MORN1: variants seen among roughly 807,000 people sequenced by gnomAD.
The protein encoded by MORN1 is MORN repeat containing 1.
Under a neutral mutation model 61.9 loss-of-function variants are expected in MORN1, and 67 were observed. That is an observed-to-expected ratio of 1.08 (90% CI 0.89 to 1.33). The LOEUF is 1.33. Ranked by LOEUF, MORN1 falls within the 40% of genes most tolerant of loss-of-function variation. MORN1 has a pLI of 0.00. For synonymous variants in MORN1, 301 were observed against 292.0 expected (o/e 1.03, Z -0.31); for missense variants, 752 against 691.2 (o/e 1.09, Z -0.99).
intron 7 of MORN1, among the ~76,000 whole-genome samples, chr1:2,373,278 A>G (rs1418098987): frequency 6.6e-6 from 1 of 152,202 alleles, no homozygotes; most frequent in Non-Finnish European, 1.5e-5. Flanking sequence ...CCGGGTGCAC[A>G]GGGTGGCGGG....
intron 12 of MORN1, among the ~76,000 whole-genome samples, chr1:2,333,965 A>G (rs760880048): frequency 6.6e-6 from 1 of 152,112 alleles, no homozygotes; most frequent in Non-Finnish European, 1.5e-5. Flanking sequence ...CCAGGTCTGG[A>G]CGCTGGTTGG....
intron 8 of MORN1, among the ~76,000 whole-genome samples, chr1:2,365,645 A>G (rs1311183274): frequency 2.0e-5 from 3 of 151,678 alleles, no homozygotes; most frequent in Non-Finnish European, 4.4e-5. Flanking sequence ...CAGTTTTCAA[A>G]GGGAATGCTT....
chr1:2,332,361 C>T, intron 12 of MORN1: 3 of 344,414 alleles, frequency 8.7e-6, no homozygotes, highest in South Asian at 6.7e-5. Context: ...AGCCCGGCCA[C>T]CCTGACTGTT....
chr1:2,381,552 C>T (rs1642372025), intron 6 of MORN1, among the ~76,000 whole-genome samples: 2 of 152,178 alleles, frequency 1.3e-5, no homozygotes, highest in South Asian at 4.1e-4. Context: ...CCAGGGCCTG[C>T]CCAGGTCTCC....
chr1:2,352,019 A>G, intron 10 of MORN1: 1 of 539,880 alleles, frequency 1.9e-6, no homozygotes, highest in East Asian at 4.5e-5. Flanking sequence ...CAGGAATTAG[A>G]GGTCCACCTC....
chr1:2,389,976 G>T lies in MORN1; in HGVS notation c.97C>A (p.Pro33Thr). 1 of 1,613,984 alleles carries T rather than the reference G, an allele frequency of 6.2e-7. No individual in the cohort carries two copies. The highest frequency in any genetic ancestry group is 1.1e-5 in the South Asian group (1 of 91,082). ...PRNGYGVYVY[P>T]NSFFRYEGEW... ...CCTTCATATCGAAAGAAGGAATTTG[G>T]GTATACGTAGACACCATAACCTGAG... The change falls in exon 2 of 14, where the codon CCA becomes ACA. Residue 33 changes from proline to threonine, a missense_variant. Coordinates refer to ENST00000378531, the MANE Select transcript of MORN1 (RefSeq NM_024848.3).
rs138544691 is a variant in MORN1, at chr1:2,345,003, C to T, written c.1037-8153G>A. 1.3e-3 allele frequency among the ~76,000 whole-genome samples: 194 copies of T among 152,052 alleles called. 1 individual carries two copies. Among genetic ancestry groups the T allele is most frequent in the African/African-American group, 4.5e-3 (187 of 41,446 alleles). Reference sequence around the variant, plus strand: ...ACACCCTGAAAACGGCGTCAGCCTCCGGGAGGGTCCACGCGTGCTCACAGC... The same window carrying T: ...ACACCCTGAAAACGGCGTCAGCCTCTGGGAGGGTCCACGCGTGCTCACAGC... On this transcript the variant is annotated intron_variant, in intron 10 of 13. Transcript: ENST00000378531.
rs1199804987 is a variant in MORN1, at chr1:2,321,473, C to T, written c.1404G>A (p.Gln468=). The change falls in exon 14 of 14, where the codon CAG becomes CAA. Residue 468 remains glutamine, a synonymous_variant. Transcript: ENST00000378531. ...GGCCTTCTTCCAGGACATGGGGTGGCTGGCCAGCCCTCTTCGCTACGACCC... is the reference window on the plus strand; with the variant it reads ...GGCCTTCTTCCAGGACATGGGGTGGTTGGCCAGCCCTCTTCGCTACGACCC... ...HLRVVAKRAG[Q]PPHVLEEGPE... 13 of 1,529,164 alleles carry T rather than the reference C, an allele frequency of 8.5e-6. No individual in the cohort carries two copies. The highest frequency in any genetic ancestry group is 1.1e-5 in the Non-Finnish European group (13 of 1,137,526). 94.7% of individuals were successfully genotyped at this position (1,529,164 alleles called of 1,614,324 possible). A position where few individuals can be genotyped will look rare whatever the true frequency, so the allele number is the denominator to read the frequency against.
rs748461481 is a variant in MORN1, at chr1:2,372,574, C to T, written c.652G>A (p.Val218Met). The change falls in exon 8 of 14, where the codon GTG (valine) becomes ATG (methionine). Residue 218 changes from valine (V) to methionine (M), a missense_variant. By Grantham distance (21) the Val-to-Met change is conservative (BLOSUM62 1). Transcript: ENST00000378531. This position sits in a 1 kb window ranked among gnomAD's most constrained non-coding sequence, Gnocchi z 5.4. The stretch of plus-strand genomic sequence containing the variant: ...TCCATCACCTCCGGACCCAAGATCA[C>T]GATCCTCGTAGCTTGTTCTGGGAGA... Reference protein sequence around the residue: ...GHPAEQATRIVILGPEVMEVA... With the variant: ...GHPAEQATRIMILGPEVMEVA... 2.3e-5 allele frequency: 37 copies of T among 1,613,282 alleles called. No homozygotes were observed. In the East Asian group the frequency reaches 5.4e-4, roughly 23 times the overall value.
In MORN1 at chr1:2,372,177, C is replaced by G. The variant is rs1239252273; in HGVS notation, c.745+304G>C. 1.4e-5 allele frequency: 4 copies of G among 295,832 alleles called. No homozygotes were observed. The East Asian group carries it at 3.4e-4, about 25-fold the overall frequency. The allele number at this position is 295,832 out of a possible 1,614,324, so 18.3% of individuals were successfully genotyped here. On this transcript the variant is annotated intron_variant, in intron 8 of 13. Coordinates refer to ENST00000378531, the MANE Select transcript of MORN1 (RefSeq NM_024848.3). This position sits in a 1 kb window ranked among gnomAD's most constrained non-coding sequence, Gnocchi z 5.4. ...ACTCTGACACACGTGCACGCGTGCC[C>G]CCCCACACGTATACACATTCAGACC... is the stretch of plus-strand genomic sequence containing the variant.
intron 10 of MORN1, among the ~76,000 whole-genome samples, chr1:2,356,174 C>G (rs1273853329): frequency 6.6e-6 from 1 of 152,154 alleles, no homozygotes; most frequent in Non-Finnish European, 1.5e-5. Flanking sequence ...GTGGTGCCAT[C>G]TGTGCAAATC....
At chr1:2,355,169 A>C in intron 10 of MORN1, 10 of 1,160,388 alleles carry the variant, frequency 8.6e-6, no homozygotes, top group Non-Finnish European at 8.5e-6. Flanking sequence ...AGTAGAAGGC[A>C]TGGCGCCCAG....
Position 2,372,420 on chromosome 1 carries a change from A to T in MORN1, c.745+61T>A. 1.5e-6 allele frequency: 2 copies of T among 1,345,222 alleles called. No individual in the cohort carries two copies. The highest frequency in any genetic ancestry group is 2.1e-6 in the Non-Finnish European group (2 of 960,502). The allele number at this position is 1,345,222 out of a possible 1,614,324, so 83.3% of individuals were successfully genotyped here. A position where few individuals can be genotyped will look rare whatever the true frequency, so the allele number is the denominator to read the frequency against. On this transcript the variant is annotated intron_variant, in intron 8 of 13. Transcript: ENST00000378531. This position sits in a 1 kb window ranked among gnomAD's most constrained non-coding sequence, Gnocchi z 5.4. ...ATCTCGTCCGCATCTTCACTGCTTA[A>T]GAACCTGCTGCCTGTTTCTCTTTTG...
rs145658833 is a variant in MORN1, at chr1:2,357,208, C to T, written c.1036+224G>A. 4.6e-3 allele frequency among the ~76,000 whole-genome samples: 698 copies of T among 152,286 alleles called. 4 individuals are homozygous for T. Among genetic ancestry groups the T allele is most frequent in the African/African-American group, 0.016 (648 of 41,560 alleles). On this transcript the variant is annotated intron_variant, in intron 10 of 13. Coordinates refer to ENST00000378531, the MANE Select transcript of MORN1 (RefSeq NM_024848.3). This position sits in a 1 kb window ranked among gnomAD's most constrained non-coding sequence, Gnocchi z 6.3. ...ACGAGGCTGCAGCCCCTGCCAGGCT[C>T]ACGGCAGACGAACAATCGGCTTGAG...
chr1:2,325,015 G>A (rs565603625), intron 12 of MORN1, among the ~76,000 whole-genome samples: 3 of 151,672 alleles, frequency 2.0e-5, no homozygotes, highest in South Asian at 4.2e-4. Flanking sequence ...CTGCAAGGAC[G>A]AGGGGCTGGC....
At chr1:2,336,621 C>A in intron 11 of MORN1, 73 bp from the exon 12 acceptor site, 1 of 1,591,554 alleles carries the variant, frequency 6.3e-7, no homozygotes, top group Non-Finnish European at 8.6e-7. Context: ...GCTCCAACCC[C>A]CCTGGGGCAC....
intron 8 of MORN1, among the ~76,000 whole-genome samples, chr1:2,364,042 C>T (rs76331216): frequency 9.7e-4 from 147 of 152,052 alleles, no homozygotes; most frequent in African/African-American, 3.0e-3. Context: ...AGCAAGACGA[C>T]GATATGCTGT....
intron 1 of MORN1, chr1:2,390,582 G>C: frequency 1.0e-6 from 1 of 985,400 alleles, no homozygotes; most frequent in African/African-American, 1.7e-5. Context: ...GGCACATTTT[G>C]TGGGCAGGGT....
chr1:2,323,245 C>G, intron 13 of MORN1: 1 of 985,396 alleles, frequency 1.0e-6, no homozygotes, highest in Non-Finnish European at 1.2e-6. Context: ...GGCTACAGCC[C>G]CGGCCACACG....
Sources: gnomAD v4.1 joint callset for allele counts (sites outside exome capture counted in the v4.1 genomes callset) on GRCh38, gnomAD v4.1.1 for gene constraint, Gnocchi (gnomAD v3.1) non-coding constraint, MANE v1.5 for transcripts, NCBI Gene and HGNC (gene_info 2026-07-23, HGNC 2026-07-21) for gene names.